Variants in VGLL4 observed in about 807,000 individuals in gnomAD.
The protein encoded by VGLL4 is vestigial like family member 4, also known as transcription cofactor vestigial-like protein 4.
In VGLL4, 7 loss-of-function variants were observed where a neutral mutation model predicts 21.0. The ratio of observed to expected loss-of-function variants is 0.33; its 90% CI spans 0.19 to 0.63. The LOEUF is 0.63. Ranked by LOEUF, VGLL4 falls within the 20% of genes least tolerant of loss-of-function variation. The probability of loss-of-function intolerance (pLI) is 0.78; values close to 1 mark genes in which losing one functional copy is unlikely to be tolerated. For missense variants in VGLL4, 394 were observed against 425.7 expected (o/e 0.93, Z 0.66); for synonymous variants, 222 against 173.2 (o/e 1.28, Z -2.21).
intron 1 of VGLL4, among the ~76,000 whole-genome samples, chr3:11,632,491 C>T (rs1293882057): frequency 6.6e-6 from 1 of 152,126 alleles, no homozygotes; most frequent in Admixed American, 6.5e-5. Flanking sequence ...CAGTCTGACT[C>T]TGGCCATAGT....
chr3:11,596,246 C>T (rs1367346222), intron 2 of VGLL4, among the ~76,000 whole-genome samples: 1 of 151,978 alleles, frequency 6.6e-6, no homozygotes, highest in African/African-American at 2.4e-5. Context: ...AAACTGAATG[C>T]AAACAGAAAT....
At chr3:11,638,843 AC>A (rs1225162482) in intron 1 of VGLL4, among the ~76,000 whole-genome samples, 6 of 152,184 alleles carry the variant, frequency 3.9e-5, no homozygotes, top group African/African-American at 1.2e-4. Context: ...CTGGTGGAAA[AC>A]AAAAGATCAC....
chr3:11,646,765 T>C (rs199717484), upstream of VGLL4, among the ~76,000 whole-genome samples: 2 of 152,098 alleles, frequency 1.3e-5, no homozygotes, highest in Non-Finnish European at 2.9e-5. Context: ...GTGGACACCG[T>C]CTCACAGGTC....
chr3:11,639,748 C>T (rs2075653456), intron 1 of VGLL4, among the ~76,000 whole-genome samples: 1 of 152,148 alleles, frequency 6.6e-6, no homozygotes, highest in Non-Finnish European at 1.5e-5. Flanking sequence ...TGCAGGGCAC[C>T]TACTGTAATC....
At chr3:11,690,629 G>C (rs1382796659) in intron 2 of VGLL4, among the ~76,000 whole-genome samples, 4 of 151,808 alleles carry the variant, frequency 2.6e-5, no homozygotes, top group Non-Finnish European at 5.9e-5. Flanking sequence ...AGACGTTTAA[G>C]CAACATTTTC....
intron 2 of VGLL4, among the ~76,000 whole-genome samples, chr3:11,660,019 G>A (rs746152040): frequency 5.3e-5 from 8 of 152,038 alleles, no homozygotes; most frequent in South Asian, 2.1e-4. Context: ...AGAATTAGCC[G>A]GGCGTGGTGG....
intron 1 of VGLL4, among the ~76,000 whole-genome samples, chr3:11,631,139 C>T (rs1176292285): frequency 2.0e-5 from 3 of 152,140 alleles, no homozygotes; most frequent in Admixed American, 1.3e-4. Context: ...CTTTATACGA[C>T]GTTCAAGACC....
chr3:11,693,263 C>T (rs2076558705), intron 2 of VGLL4: 2 of 156,532 alleles, frequency 1.3e-5, no homozygotes, highest in African/African-American at 4.8e-5. Flanking sequence ...TTATTAGTAG[C>T]AACAGTGATC....
chr3:11,598,257 C>T (rs188260835), intron 2 of VGLL4, among the ~76,000 whole-genome samples: 67 of 130,694 alleles, frequency 5.1e-4, no homozygotes, highest in Middle Eastern at 8.0e-3. Flanking sequence ...AAACTCCTGA[C>T]CTCATGTGAT....
chr3:11,628,036 A>G (rs982304324), intron 1 of VGLL4, among the ~76,000 whole-genome samples: 3 of 152,228 alleles, frequency 2.0e-5, no homozygotes, highest in Non-Finnish European at 4.4e-5. Flanking sequence ...AATAAATGAT[A>G]AGGTAATGAA....
rs757854006 is a variant in VGLL4 at position 11,558,532 on chromosome 3, G to GTGT, written c.*21_*23dup. ...GCTCAGGCAAACCATGCAGATCCAC[G>GTGT]TGTTGTTGGAGGAGGCGCTCCCTTC... On this transcript the variant is annotated 3_prime_UTR_variant, in exon 5 of 5. Coordinates refer to ENST00000430365, the MANE Select transcript of VGLL4 (RefSeq NM_001128219.3). 6.8e-7 allele frequency: 1 copy of GTGT among 1,475,506 alleles called. No homozygotes were observed. Among genetic ancestry groups the GTGT allele is most frequent in the East Asian group, 2.8e-5 (1 of 35,610 alleles). The allele number at this position is 1,475,506 out of a possible 1,614,324, so 91.4% of individuals were successfully genotyped here.
At chr3:11,647,447 C>T (rs2075809638), upstream of VGLL4, among the ~76,000 whole-genome samples, 1 of 152,148 alleles carries the variant, frequency 6.6e-6, no homozygotes, top group Non-Finnish European at 1.5e-5. Flanking sequence ...GTAAGTAGTC[C>T]TTATCCAAAA....
chr3:11,586,116 TG>T (rs2074355980), intron 2 of VGLL4, among the ~76,000 whole-genome samples: 1 of 152,204 alleles, frequency 6.6e-6, no homozygotes, highest in Non-Finnish European at 1.5e-5. Context: ...TTAAAAAGAA[TG>T]TAAAAGAATT....
chr3:11,703,114 G>C, intron 1 of VGLL4: 1 of 1,353,982 alleles, frequency 7.4e-7, no homozygotes, highest in Non-Finnish European at 1.0e-6. Flanking sequence ...TAGAATCCTA[G>C]TCATTAACAG....
chr3:11,590,567 C>T (rs191588692), intron 2 of VGLL4, among the ~76,000 whole-genome samples: 1 of 152,160 alleles, frequency 6.6e-6, no homozygotes, highest in African/African-American at 2.4e-5. Context: ...TTGTCTGGCA[C>T]AGTTTCTAGC....
chr3:11,636,639 G>T (rs1047533181), intron 1 of VGLL4, among the ~76,000 whole-genome samples: 1 of 152,178 alleles, frequency 6.6e-6, no homozygotes, highest in African/African-American at 2.4e-5. Context: ...TATTAATGCA[G>T]CAGGAAAGTC....
At chr3:11,605,555 T>A (rs1417946869) in intron 1 of VGLL4, among the ~76,000 whole-genome samples, 2 of 151,990 alleles carry the variant, frequency 1.3e-5, no homozygotes, top group East Asian at 3.9e-4. Context: ...AGTTCATACA[T>A]CCTGCAAAAC....
intron 2 of VGLL4, among the ~76,000 whole-genome samples, chr3:11,654,807 A>C (rs1224836376): frequency 1.3e-5 from 2 of 152,240 alleles, no homozygotes; most frequent in African/African-American, 2.4e-5. Flanking sequence ...GAGAAGACAG[A>C]ATCTTTATAA....
At chr3:11,613,495 T>C (rs905527588) in intron 1 of VGLL4, among the ~76,000 whole-genome samples, 1 of 152,188 alleles carries the variant, frequency 6.6e-6, no homozygotes, top group Non-Finnish European at 1.5e-5. Flanking sequence ...GGCTGCCTAA[T>C]GGAAGAATTC....
Sources: gnomAD v4.1 joint callset for allele counts (sites outside exome capture counted in the v4.1 genomes callset) on GRCh38, gnomAD v4.1.1 for gene constraint, MANE v1.5 for transcripts, NCBI Gene and HGNC (gene_info 2026-07-23, HGNC 2026-07-21) for gene names.